The following PHKA2 variants were observed in gnomAD, a reference collection of about 807,000 sequenced individuals.
PHKA2 encodes phosphorylase b kinase regulatory subunit alpha, liver isoform.
A neutral mutation model predicts 102.0 loss-of-function variants in PHKA2; 31 were observed. That is an observed-to-expected ratio of 0.30 (90% CI 0.23 to 0.41). PHKA2 has a LOEUF of 0.41. PHKA2 is among the 10% of genes least tolerant of loss of function. The probability of loss-of-function intolerance (pLI) is 1.00; values close to 1 mark genes in which losing one functional copy is unlikely to be tolerated. For synonymous variants in PHKA2, 455 were observed against 416.2 expected (o/e 1.09, Z -1.13); for missense variants, 858 against 1,023.1 (o/e 0.84, Z 2.20).
intron 26 of PHKA2, among the ~76,000 whole-genome samples, chrX:18,903,814 T>C (rs1187404120): frequency 2.7e-5 from 3 of 111,932 alleles, no homozygotes; most frequent in Non-Finnish European, 5.6e-5. Flanking sequence ...GTAACAGCAA[T>C]CATTCTAAAA....
At position 18,948,746 on chromosome X, in the gene PHKA2, C is replaced by A. The variant is rs749441642; in HGVS notation, c.535G>T (p.Ala179Ser). Reference sequence around the variant, plus strand: ...AGACTACCAGGGTTGATACTTACAGCGACTTTATATGCAGCTTCTATGTAA... The same window carrying A: ...AGACTACCAGGGTTGATACTTACAGAGACTTTATATGCAGCTTCTATGTAA... The part of the protein sequence containing the change: ...VFYIEAAYKV[A>S]DYGMWERGDK... The change falls in exon 5 of 33, where the codon GCT becomes TCT. Residue 179 changes from alanine (A) to serine (S), a missense_variant and splice_region_variant. Transcript: ENST00000379942. The A allele has an allele frequency of 1.7e-6, 2 of 1,152,212 alleles. No homozygotes were observed. Among genetic ancestry groups the A allele is most frequent in the African/African-American group, 3.6e-5 (2 of 55,916 alleles). The allele number at this position is 1,152,212 out of a possible 1,213,427, so 95.0% of individuals were successfully genotyped here.
In PHKA2 at chrX:18,895,163, A is replaced by G. The variant is rs1244348498; in HGVS notation, c.3311T>C (p.Val1104Ala). 2.4e-5 allele frequency: 29 copies of G among 1,209,238 alleles called. No homozygotes were observed. The highest frequency in any genetic ancestry group is 3.2e-5 in the Non-Finnish European group (29 of 894,495). ...CTCTCGGGTCGTCGAGGATGGGAGG[A>G]CATAACCATCGATGGAGAGACCGTG... The part of the protein sequence containing the change: ...KCHGLSIDGY[V>A]LPSSTTREMT... The change falls in exon 31 of 33, where the codon GTC (valine) becomes GCC (alanine). Residue 1104 changes from valine (V) to alanine (A), a missense_variant. By Grantham distance (64) the Val-to-Ala change is moderately conservative (BLOSUM62 0). Coordinates refer to ENST00000379942, the MANE Select transcript of PHKA2 (RefSeq NM_000292.3).
intron 1 of PHKA2, among the ~76,000 whole-genome samples, chrX:18,960,784 G>A (rs1461890186): frequency 8.9e-6 from 1 of 111,904 alleles, no homozygotes; most frequent in African/African-American, 3.3e-5. Flanking sequence ...AAGACACAGC[G>A]AACCATGAGG....
intron 12 of PHKA2, among the ~76,000 whole-genome samples, chrX:18,929,677 AAAC>A (rs1042927193): frequency 2.7e-5 from 3 of 111,583 alleles, no homozygotes; most frequent in Non-Finnish European, 3.8e-5. Flanking sequence ...GGGGCTCAGA[AAAC>A]AACACCCCCA....
At chrX:18,907,810 G>T in intron 22 of PHKA2, 90 bp downstream of exon 22, 2 of 997,185 alleles carry the variant, frequency 2.0e-6, no homozygotes, top group Non-Finnish European at 2.8e-6. Flanking sequence ...TCCTTCACAA[G>T]TAAGAGGTAT....
At chrX:18,894,148 A>C (rs1402456131) in intron 32 of PHKA2, 56 bp downstream of exon 32, 5 of 1,037,529 alleles carry the variant, frequency 4.8e-6, no homozygotes, top group Non-Finnish European at 6.8e-6. Flanking sequence ...TGGACACAGA[A>C]TCTCCAGCCT....
intron 19 of PHKA2, 138 bp from the exon 20 acceptor site, chrX:18,911,098 C>T (rs772752710): frequency 8.0e-5 from 29 of 364,403 alleles, no homozygotes; most frequent in Admixed American, 3.1e-5. Context: ...CTTTGCCTCC[C>T]GGGTTCAAGC....
chrX:18,915,076 A>G (rs1286582632), intron 19 of PHKA2, among the ~76,000 whole-genome samples: 1 of 112,262 alleles, frequency 8.9e-6, no homozygotes, highest in Non-Finnish European at 1.9e-5. Flanking sequence ...ATGGTGGCTC[A>G]TGCCTGTAAT....
intron 19 of PHKA2, 51 bp from the exon 20 acceptor site, chrX:18,911,011 T>C (rs1399537242): frequency 8.8e-4 from 4 of 4,551 alleles, no homozygotes; most frequent in Middle Eastern, 0.037. Context: ...AGAACAACAC[T>C]TTTTTTTTTT....
intron 13 of PHKA2, among the ~76,000 whole-genome samples, chrX:18,928,966 C>A: frequency 8.9e-6 from 1 of 112,544 alleles, no homozygotes; most frequent in East Asian, 2.8e-4. Context: ...TGACGCGCAA[C>A]GAATCACTTG....
At chrX:18,928,097 C>CAGG (rs1449741009) in intron 13 of PHKA2, among the ~76,000 whole-genome samples, 1 of 112,452 alleles carries the variant, frequency 8.9e-6, no homozygotes, top group Non-Finnish European at 1.9e-5. Context: ...GACTAATTAG[C>CAGG]AGGACATGCT....
At position 18,931,734 on chromosome X, in the gene PHKA2, G is replaced by A. The variant is rs372560098; in HGVS notation, c.1152C>T (p.Tyr384=). 21 of 1,180,003 alleles carry A rather than the reference G, an allele frequency of 1.8e-5. No individual in the cohort carries two copies. Among genetic ancestry groups the A allele is most frequent in the Non-Finnish European group, 2.2e-5 (19 of 867,881 alleles). ...AVPPNKVDEE[Y]KNPHTVDRVP... ...CTCGGTCTACTGTGTGAGGATTCTT[G>A]TACTCTTCATCTACCTGGAAAGAGA... Residue 384 remains tyrosine, a synonymous_variant, in exon 12 of 33, where the codon TAC becomes TAT. Coordinates refer to ENST00000379942, the MANE Select transcript of PHKA2 (RefSeq NM_000292.3).
chrX:18,926,360 G>A (rs1381807980), intron 14 of PHKA2, 93 bp downstream of exon 14: 1 of 734,984 alleles, frequency 1.4e-6, no homozygotes, highest in African/African-American at 2.1e-5. Flanking sequence ...CAAGTCTTTA[G>A]AACTTACGTA....
At chrX:18,908,508 G>A (rs2047865274) in intron 21 of PHKA2, among the ~76,000 whole-genome samples, 1 of 112,369 alleles carries the variant, frequency 8.9e-6, no homozygotes, top group African/African-American at 3.2e-5. Context: ...CCACAATGAT[G>A]ACATTAGGAG....
In PHKA2 at chrX:18,931,630, T is replaced by A; in HGVS notation, c.1245+11A>T. On this transcript the variant is annotated intron_variant, in intron 12 of 32. Coordinates refer to ENST00000379942, the MANE Select transcript of PHKA2 (RefSeq NM_000292.3). Reference sequence around the variant, plus strand: ...CATGGTTTCCAGTCTGTGAGGCCACTAAGCCCCTACCTCTGCCAACAGCGA... The same window carrying A: ...CATGGTTTCCAGTCTGTGAGGCCACAAAGCCCCTACCTCTGCCAACAGCGA... 1 of 1,151,930 alleles carries A rather than the reference T, an allele frequency of 8.7e-7. No homozygotes were observed. Among genetic ancestry groups the A allele is most frequent in the African/African-American group, 1.8e-5 (1 of 56,642 alleles). The allele number at this position is 1,151,930 out of a possible 1,213,427, so 94.9% of individuals were successfully genotyped here. A position where few individuals can be genotyped will look rare whatever the true frequency, so the allele number is the denominator to read the frequency against.
At chrX:18,937,919 C>T (rs1209956999) in intron 10 of PHKA2, among the ~76,000 whole-genome samples, 1 of 111,886 alleles carries the variant, frequency 8.9e-6, no homozygotes, top group Non-Finnish European at 1.9e-5. Context: ...AAGATGTTAT[C>T]CAAGAGCACC....
Position 18,976,765 on chromosome X carries a change from G to A in PHKA2, c.78+7090C>T, listed in dbSNP as rs1461776240. On this transcript the variant is annotated intron_variant, in intron 1 of 32. Transcript: ENST00000379942. Reference sequence around the variant, plus strand: ...CTGGAATGTATCCCCTGTGAATAAGGGGGACTCCTGTATTATTCATTTGTC... The same window carrying A: ...CTGGAATGTATCCCCTGTGAATAAGAGGGACTCCTGTATTATTCATTTGTC... Among the ~76,000 whole-genome samples the A allele has an allele frequency of 6.3e-5, 7 of 111,016 alleles. No homozygotes were observed. In the East Asian group the frequency reaches 8.4e-4, roughly 13 times the overall value.
intron 12 of PHKA2, among the ~76,000 whole-genome samples, chrX:18,929,821 AAC>A (rs1337345185): frequency 2.7e-5 from 3 of 112,079 alleles, no homozygotes; most frequent in Non-Finnish European, 5.6e-5. Flanking sequence ...TGGGCATAGA[AAC>A]CAGAATCCCT....
intron 13 of PHKA2, among the ~76,000 whole-genome samples, chrX:18,927,498 C>A (rs968680385): frequency 8.9e-6 from 1 of 112,095 alleles, no homozygotes; most frequent in East Asian, 2.8e-4. Context: ...CTCAGGGCAG[C>A]GCAGGATTGG....
Sources: allele counts gnomAD v4.1 joint callset (sites outside exome capture counted in the v4.1 genomes callset), GRCh38; gene constraint gnomAD v4.1.1; transcripts MANE v1.5; gene names NCBI Gene and HGNC (gene_info 2026-07-23, HGNC 2026-07-21).